Variants in THBS4 observed in about 807,000 individuals in gnomAD.
The protein encoded by THBS4 is thrombospondin 4.
Under a neutral mutation model 115.7 loss-of-function variants are expected in THBS4, and 90 were observed. The observed-to-expected ratio is 0.78, with a 90% CI of 0.66 to 0.93. The LOEUF (loss-of-function observed/expected upper bound fraction) is 0.93. Among genes scored for constraint, THBS4 ranks in the 40% least tolerant of loss-of-function variants. The pLI is 0.00. For synonymous variants in THBS4, 460 were observed against 479.3 expected (o/e 0.96, Z 0.53); for missense variants, 1,087 against 1,232.7 (o/e 0.88, Z 1.77).
chr5:80,035,409 A>T lies in THBS4; in HGVS notation c.-129A>T. On this transcript the variant is annotated 5_prime_UTR_variant, in exon 1 of 22. Coordinates refer to ENST00000350881, the MANE Select transcript of THBS4 (RefSeq NM_003248.6). The surrounding 1 kb of genome is among the most constrained non-coding windows in gnomAD (Gnocchi z 4.6). ...GAGCGCGCCCCCGACGGCAGCCCGG[A>T]CGCCGAGCACGGGTCACCTGCGGCG... 1 of 457,652 alleles carries T rather than the reference A, an allele frequency of 2.2e-6. No homozygotes were observed. Among genetic ancestry groups the T allele is most frequent in the Non-Finnish European group, 3.3e-6 (1 of 304,506 alleles). The allele number at this position is 457,652 out of a possible 1,614,324, so 28.3% of individuals were successfully genotyped here. A position where few individuals can be genotyped will look rare whatever the true frequency, so the allele number is the denominator to read the frequency against.
chr5:80,082,631 C>CA (rs1743578987), intron 21 of THBS4, 86 bp downstream of exon 21: 13 of 1,536,942 alleles, frequency 8.5e-6, no homozygotes, highest in Non-Finnish European at 1.2e-5. Context: ...ACTTCCCCCC[C>CA]AAAAGCCCAA....
At chr5:80,083,016 C>CG in intron 21 of THBS4, 64 bp from the exon 22 acceptor site, 1 of 1,471,292 alleles carries the variant, frequency 6.8e-7, no homozygotes, top group Non-Finnish European at 9.5e-7. Flanking sequence ...GAGCCGCGGG[C>CG]GGGGGTCCGG....
chr5:80,016,473 T>A (rs539545538), intron 2 of THBS4, among the ~76,000 whole-genome samples: 3 of 152,338 alleles, frequency 2.0e-5, no homozygotes, highest in African/African-American at 7.2e-5. Flanking sequence ...GAAATGGTAT[T>A]ATTTTTAGCA....
At chr5:80,024,218 G>A (rs2151159652) in intron 2 of THBS4, among the ~76,000 whole-genome samples, 1 of 152,204 alleles carries the variant, frequency 6.6e-6, no homozygotes, top group East Asian at 1.9e-4. Flanking sequence ...CCACTCTAAG[G>A]AACAGAACCA....
intron 2 of THBS4, among the ~76,000 whole-genome samples, chr5:80,006,445 T>C (rs970513725): frequency 1.3e-5 from 2 of 152,246 alleles, no homozygotes; most frequent in African/African-American, 4.8e-5. Context: ...TGCTCCTTTT[T>C]GCCTTCTGCC....
intron 10 of THBS4, among the ~76,000 whole-genome samples, 171 bp from the exon 11 acceptor site, chr5:80,070,133 AAC>A (rs1023025236): frequency 6.6e-6 from 1 of 151,978 alleles, no homozygotes; most frequent in Non-Finnish European, 1.5e-5. Flanking sequence ...TTGAATAGTG[AAC>A]CATTACACTA....
At chr5:80,018,864 C>T (rs2151157514) in intron 2 of THBS4, among the ~76,000 whole-genome samples, 1 of 152,178 alleles carries the variant, frequency 6.6e-6, no homozygotes, top group East Asian at 1.9e-4. Context: ...TCCTCTGGCT[C>T]TTACTTGGTG....
At chr5:80,048,100 GC>G (rs1833134057) in intron 2 of THBS4, among the ~76,000 whole-genome samples, 1 of 152,068 alleles carries the variant, frequency 6.6e-6, no homozygotes, top group South Asian at 2.1e-4. Flanking sequence ...GGGCAACAGG[GC>G]AAGCTCTTGT....
chr5:80,066,968 T>A (rs1833850645), intron 9 of THBS4: 1 of 152,218 alleles, frequency 6.6e-6, no homozygotes, highest in African/African-American at 2.4e-5. Context: ...TGCATTGGAT[T>A]TGGCAACTAA....
At chr5:79,998,804 A>G (rs547034658) in intron 2 of THBS4, among the ~76,000 whole-genome samples, 2 of 152,364 alleles carry the variant, frequency 1.3e-5, no homozygotes, top group East Asian at 1.9e-4. Flanking sequence ...ATTCAACCAG[A>G]TGGCAGCTAA....
At chr5:80,000,907 GA>G (rs1259592068) in intron 2 of THBS4, among the ~76,000 whole-genome samples, 2 of 152,106 alleles carry the variant, frequency 1.3e-5, no homozygotes, top group Non-Finnish European at 2.9e-5. Flanking sequence ...CTATTTTAAA[GA>G]AAAGATTTTC....
chr5:80,009,138 T>A (rs938920441), intron 2 of THBS4, among the ~76,000 whole-genome samples: 2 of 152,292 alleles, frequency 1.3e-5, no homozygotes, highest in Middle Eastern at 3.4e-3. Context: ...CGGCTCAGGT[T>A]CCCAATATAG....
chr5:80,049,492 C>G (rs1478156275), intron 2 of THBS4, among the ~76,000 whole-genome samples: 1 of 152,242 alleles, frequency 6.6e-6, no homozygotes, highest in South Asian at 2.1e-4. Context: ...AACTCCTGAC[C>G]AAATTGTCAA....
chr5:80,036,185 G>A, intron 1 of THBS4: 3 of 985,454 alleles, frequency 3.0e-6, no homozygotes, highest in Non-Finnish European at 2.4e-6. Flanking sequence ...GAGGTAAATA[G>A]GAAGGGCTGA....
At chr5:80,074,101 T>C (rs1277794833) in intron 15 of THBS4, among the ~76,000 whole-genome samples, 1 of 152,226 alleles carries the variant, frequency 6.6e-6, no homozygotes, top group Non-Finnish European at 1.5e-5. Context: ...ATGGTTTCTG[T>C]TATATACATA....
intron 2 of THBS4, among the ~76,000 whole-genome samples, chr5:80,005,277 C>T (rs957359633): frequency 6.6e-6 from 1 of 152,116 alleles, no homozygotes; most frequent in African/African-American, 2.4e-5. Flanking sequence ...TATTCTCCAG[C>T]TTTTCATACA....
rs527959315 is a variant in THBS4 at position 80,067,997 on chromosome 5, A to G, written c.1219A>G (p.Lys407Glu). 1 of 1,614,112 alleles carries G rather than the reference A, an allele frequency of 6.2e-7. No individual in the cohort carries two copies. Among genetic ancestry groups the G allele is most frequent in the Admixed American group, 1.7e-5 (1 of 60,016 alleles). ...TLGSYRCGPC[K>E]PGYTGDQIRG... ...GGGATCTTACCGCTGTGGGCCTTGT[A>G]AGCCGGGGTATACTGGTGATCAGAT... The change falls in exon 10 of 22, where the codon AAG (lysine) becomes GAG (glutamate). Residue 407 changes from lysine (K) to glutamate (E), a missense_variant. Lys to Glu is a moderately conservative substitution (Grantham distance 56). Transcript: ENST00000350881.
chr5:80,003,929 A>G (rs2151151140), intron 2 of THBS4, among the ~76,000 whole-genome samples: 1 of 152,356 alleles, frequency 6.6e-6, no homozygotes, highest in Middle Eastern at 3.4e-3. Context: ...CTTTAAAATT[A>G]AAAGTGTAGC....
chr5:80,037,795 C>T (rs1310110711), intron 1 of THBS4, among the ~76,000 whole-genome samples: 1 of 152,174 alleles, frequency 6.6e-6, no homozygotes, highest in Admixed American at 6.5e-5. Flanking sequence ...AACATATTGC[C>T]TTATTTCCCT....
Sources: gnomAD v4.1 joint callset for allele counts (sites outside exome capture counted in the v4.1 genomes callset) on GRCh38, gnomAD v4.1.1 for gene constraint, Gnocchi (gnomAD v3.1) non-coding constraint, MANE v1.5 for transcripts, NCBI Gene and HGNC (gene_info 2026-07-23, HGNC 2026-07-21) for gene names.